Variants in HCN1 observed in about 807,000 individuals in gnomAD.
HCN1 encodes hyperpolarization activated cyclic nucleotide gated potassium channel 1, also known as potassium/sodium hyperpolarization-activated cyclic nucleotide-gated channel 1.
Under a neutral mutation model 78.9 loss-of-function variants are expected in HCN1, and 13 were observed. That is an observed-to-expected ratio of 0.16 (90% CI 0.11 to 0.26). HCN1 has a LOEUF of 0.26. HCN1 is among the 10% of genes least tolerant of loss of function. The probability of loss-of-function intolerance (pLI) is 1.00; values close to 1 mark genes in which losing one functional copy is unlikely to be tolerated. For missense variants in HCN1, 810 were observed against 1,154.3 expected, an observed-to-expected ratio of 0.70 and a Z score of 4.32; for synonymous variants, 552 against 455.5, an observed-to-expected ratio of 1.21 and a Z score of -2.70.
chr5:45,353,068 G>C (rs1436230187), intron 5 of HCN1, 32 bp downstream of exon 5: 2 of 1,544,910 alleles, frequency 1.3e-6, no homozygotes, highest in Non-Finnish European at 1.8e-6. Flanking sequence ...CAATGATTAT[G>C]TATTATGCAT....
At chr5:45,596,263 G>GC (rs1744493481) in intron 2 of HCN1, among the ~76,000 whole-genome samples, 1 of 152,044 alleles carries the variant, frequency 6.6e-6, no homozygotes, top group African/African-American at 2.4e-5. Context: ...AAGTTGAGAA[G>GC]CTTCTGTAAT....
intron 2 of HCN1, among the ~76,000 whole-genome samples, chr5:45,561,056 A>AT (rs567521039): frequency 1.8e-4 from 28 of 152,026 alleles, no homozygotes; most frequent in African/African-American, 5.8e-4. Context: ...TCTTTAACAA[A>AT]TTTTTTTTAA....
chr5:45,694,659 A>T (rs1349825865), intron 1 of HCN1, among the ~76,000 whole-genome samples: 1 of 152,212 alleles, frequency 6.6e-6, no homozygotes. Context: ...ATTAGGAGTT[A>T]CTAGTTCTGG....
chr5:45,552,719 G>C (rs1041518076), intron 2 of HCN1, among the ~76,000 whole-genome samples: 1 of 151,904 alleles, frequency 6.6e-6, no homozygotes, highest in Admixed American at 6.6e-5. Context: ...ATAGCATTTA[G>C]CTTACAGAAG....
At chr5:45,462,107 G>T in intron 2 of HCN1, 100 bp from the exon 3 acceptor site, 1 of 875,002 alleles carries the variant, frequency 1.1e-6, no homozygotes, top group Non-Finnish European at 1.8e-6. Context: ...CGTAAGCATT[G>T]ATTTAATAAA....
chr5:45,498,289 T>C (rs1186189509), intron 2 of HCN1, among the ~76,000 whole-genome samples: 1 of 152,184 alleles, frequency 6.6e-6, no homozygotes. Context: ...TCGTTTCTTT[T>C]TATTCTTTTT....
intron 2 of HCN1, among the ~76,000 whole-genome samples, chr5:45,619,156 G>A (rs1431985160): frequency 6.6e-6 from 1 of 152,018 alleles, no homozygotes; most frequent in Non-Finnish European, 1.5e-5. Context: ...ATGAGAAGAA[G>A]TAGAAACCAA....
chr5:45,502,075 T>C (rs1279242337), intron 2 of HCN1, among the ~76,000 whole-genome samples: 2 of 152,198 alleles, frequency 1.3e-5, no homozygotes, highest in African/African-American at 4.8e-5. Flanking sequence ...AGAGTATTAT[T>C]TGGATAACTT....
intron 1 of HCN1, among the ~76,000 whole-genome samples, chr5:45,684,898 T>C (rs972162205): frequency 6.6e-6 from 1 of 152,248 alleles, no homozygotes; most frequent in Non-Finnish European, 1.5e-5. Flanking sequence ...CAAGTAACTT[T>C]CTATATTCAT....
At position 45,357,064 on chromosome 5, in the gene HCN1, A is replaced by G. The variant is rs532073657; in HGVS notation, c.1231-3818T>C. Among the ~76,000 whole-genome samples, 100 of 152,066 alleles carry G rather than the reference A, an allele frequency of 6.6e-4. No homozygotes were observed. In the Middle Eastern group the frequency reaches 0.024, roughly 36 times the overall value. On this transcript the variant is annotated intron_variant, in intron 4 of 7. Transcript: ENST00000303230. ...TTTTCTAGCCTCCTTATCCCACCAG[A>G]TAGACATTGAGTTTTTTCTTCAAAG...
chr5:45,280,286 G>A lies in HCN1; in HGVS notation c.1619-13033C>T, dbSNP rs181289299. Reference sequence around the variant, plus strand: ...AAAGATGAAAGACAACTGGAATTTCGGAGGTCAAGTGAGAATGAAGGAAGA... The same window carrying A: ...AAAGATGAAAGACAACTGGAATTTCAGAGGTCAAGTGAGAATGAAGGAAGA... On this transcript the variant is annotated intron_variant, in intron 6 of 7. Coordinates refer to ENST00000303230, the MANE Select transcript of HCN1 (RefSeq NM_021072.4). Among the ~76,000 whole-genome samples, 313 of 152,164 alleles carry A rather than the reference G, an allele frequency of 2.1e-3. 3 individuals carry two copies. The highest frequency in any genetic ancestry group is 7.3e-3 in the African/African-American group (302 of 41,498).
At chr5:45,428,394 CCTT>C (rs1740393194) in intron 3 of HCN1, among the ~76,000 whole-genome samples, 1 of 151,704 alleles carries the variant, frequency 6.6e-6, no homozygotes, top group Non-Finnish European at 1.5e-5. Context: ...CCTTACTTTC[CCTT>C]CTTCTTTATC....
intron 1 of HCN1, among the ~76,000 whole-genome samples, chr5:45,680,184 G>A (rs1304226621): frequency 6.6e-6 from 1 of 152,066 alleles, no homozygotes; most frequent in Non-Finnish European, 1.5e-5. Context: ...CTGTTTTCCA[G>A]TGGATTTTTC....
chr5:45,467,981 T>C (rs144664915), intron 2 of HCN1, among the ~76,000 whole-genome samples: 88 of 152,210 alleles, frequency 5.8e-4, no homozygotes, highest in African/African-American at 1.7e-3. Context: ...CCTTACAGGG[T>C]AAAACAAATT....
At chr5:45,529,849 GTTTATC>G (rs1422697873) in intron 2 of HCN1, among the ~76,000 whole-genome samples, 1 of 151,812 alleles carries the variant, frequency 6.6e-6, no homozygotes, top group Non-Finnish European at 1.5e-5. Context: ...TCAAAACTGG[GTTTATC>G]TTTAATATTT....
At chr5:45,265,299 T>A (rs1024811706) in intron 7 of HCN1, among the ~76,000 whole-genome samples, 4 of 152,190 alleles carry the variant, frequency 2.6e-5, no homozygotes, top group Non-Finnish European at 5.9e-5. Context: ...TCTAAGGATG[T>A]CTAGCTGGTT....
intron 2 of HCN1, among the ~76,000 whole-genome samples, chr5:45,508,123 C>T (rs771892571): frequency 4.6e-5 from 7 of 151,964 alleles, no homozygotes; most frequent in Non-Finnish European, 1.0e-4. Context: ...AGCTTAAAAG[C>T]CTACTGTGAA....
intron 2 of HCN1, among the ~76,000 whole-genome samples, chr5:45,528,032 T>C (rs180708600): frequency 6.6e-6 from 1 of 152,070 alleles, no homozygotes; most frequent in East Asian, 1.9e-4. Flanking sequence ...GTTCCATTTA[T>C]TTATTTACCA....
rs1286187777 is a variant in HCN1, at chr5:45,349,955, A to G, written c.1377+3145T>C. ...AATTCCACCAGAGGTACAAGGAGGA[A>G]CTGGTACCATTCCTTCTGAAACTAT... On this transcript the variant is annotated intron_variant, in intron 5 of 7. Coordinates refer to ENST00000303230, the MANE Select transcript of HCN1 (RefSeq NM_021072.4). Among the ~76,000 whole-genome samples, 6 of 152,274 alleles carry G rather than the reference A, an allele frequency of 3.9e-5. No individual in the cohort carries two copies. In the East Asian group the frequency reaches 1.2e-3, roughly 29 times the overall value.
Sources: gnomAD v4.1 joint callset for allele counts (sites outside exome capture counted in the v4.1 genomes callset) on GRCh38, gnomAD v4.1.1 for gene constraint, MANE v1.5 for transcripts, NCBI Gene and HGNC (gene_info 2026-07-23, HGNC 2026-07-21) for gene names.